POLE: variants seen among roughly 807,000 people sequenced by gnomAD.
POLE encodes DNA polymerase epsilon catalytic subunit A.
POLE carries 188 observed loss-of-function variants against 279.2 expected under a neutral mutation model. That is an observed-to-expected ratio of 0.67 (90% CI 0.60 to 0.76). The LOEUF (loss-of-function observed/expected upper bound fraction) is 0.76. POLE is among the 30% of genes least tolerant of loss of function. The probability of loss-of-function intolerance (pLI) is 0.00; values close to 1 mark genes in which losing one functional copy is unlikely to be tolerated. For synonymous variants in POLE, 1,214 were observed against 1,172.5 expected, an observed-to-expected ratio of 1.04 and a Z score of -0.72; for missense variants, 2,703 against 3,016.7, an observed-to-expected ratio of 0.90 and a Z score of 2.44.
Position 132,642,809 on chromosome 12 carries a change from A to G in POLE, c.4728+11T>C, listed in dbSNP as rs2138538232. 1.2e-6 allele frequency: 2 copies of G among 1,613,794 alleles called. No individual in the cohort carries two copies. The highest frequency in any genetic ancestry group is 8.5e-7 in the Non-Finnish European group (1 of 1,179,892). ...ATGGGGCTCACACAGCAAGACCCCAACCACTCTCACCTTGTAGGCGAGCAG... is the reference window on the plus strand; with the variant it reads ...ATGGGGCTCACACAGCAAGACCCCAGCCACTCTCACCTTGTAGGCGAGCAG... On this transcript the variant is annotated intron_variant, in intron 36 of 48. Transcript: ENST00000320574.
chr12:132,664,313 G>T lies in POLE; in HGVS notation c.2561+57C>A. 1 of 1,518,000 alleles carries T rather than the reference G, an allele frequency of 6.6e-7. No individual in the cohort carries two copies. The allele number at this position is 1,518,000 out of a possible 1,614,324, so 94.0% of individuals were successfully genotyped here. On this transcript the variant is annotated intron_variant, in intron 22 of 48. Coordinates refer to ENST00000320574, the MANE Select transcript of POLE (RefSeq NM_006231.4). The surrounding 1 kb of genome is among the most constrained non-coding windows in gnomAD (Gnocchi z 5.3). Reference sequence around the variant, plus strand: ...CTCCAGCCTTCCCTCCTTCCTTCCTGCCCATGCTTGCCCCCAGGACCTGCT... The same window carrying T: ...CTCCAGCCTTCCCTCCTTCCTTCCTTCCCATGCTTGCCCCCAGGACCTGCT...
At position 132,632,528 on chromosome 12, in the gene POLE, G is replaced by C. The variant is rs1236213298; in HGVS notation, c.6137-20C>G. ...TCATTCCTGGAAGTATAAGGATGCT[G>C]AGGGAGGGGTCTGGGACCTGTCTGG... On this transcript the variant is annotated intron_variant, in intron 44 of 48. Transcript: ENST00000320574. The C allele has an allele frequency of 1.2e-6, 2 of 1,612,592 alleles. No individual in the cohort carries two copies. Among genetic ancestry groups the C allele is most frequent in the African/African-American group, 2.7e-5 (2 of 74,906 alleles).
At chr12:132,644,131 A>G (rs2042221919) in intron 32 of POLE, among the ~76,000 whole-genome samples, 154 bp from the exon 33 acceptor site, 1 of 152,188 alleles carries the variant, frequency 6.6e-6, no homozygotes, top group Admixed American at 6.5e-5. Flanking sequence ...CTCAATGATT[A>G]CAACTAAAAA....
In POLE at chr12:132,661,676, G is replaced by T. The variant is rs2135949717; in HGVS notation, c.2715C>A (p.Phe905Leu). ...AMLNIMVKEG[F>L]TNDQYQELAE... ...CCAGCTCCTGGTACTGGTCATTGGT[G>T]AAGCCTTCCTGAGAAACAAGAGTGA... is the stretch of plus-strand genomic sequence containing the variant. The change falls in exon 24 of 49, where the codon TTC becomes TTA. Residue 905 changes from phenylalanine to leucine, a missense_variant. Transcript: ENST00000320574. The surrounding 1 kb of genome is among the most constrained non-coding windows in gnomAD (Gnocchi z 4.1). The T allele has an allele frequency of 6.2e-7, 1 of 1,613,672 alleles. No homozygotes were observed. Among genetic ancestry groups the T allele is most frequent in the Non-Finnish European group, 8.5e-7 (1 of 1,179,842 alleles).
chr12:132,667,901 G>A (rs2042833033), intron 19 of POLE, among the ~76,000 whole-genome samples: 1 of 152,022 alleles, frequency 6.6e-6, no homozygotes, highest in African/African-American at 2.4e-5. Context: ...AGGCAACATG[G>A]CAAGACCCCA....
chr12:132,687,227 C>T (rs1304838959), intron 1 of POLE, 27 bp downstream of exon 1: 1 of 1,446,732 alleles, frequency 6.9e-7, no homozygotes, highest in Non-Finnish European at 9.1e-7. Flanking sequence ...AGGGCCGGCC[C>T]GAGAGCCTCA....
In POLE at chr12:132,664,506, C is replaced by T. The variant is rs757250101; in HGVS notation, c.2469-44G>A. On this transcript the variant is annotated intron_variant, in intron 21 of 48. Coordinates refer to ENST00000320574, the MANE Select transcript of POLE (RefSeq NM_006231.4). The surrounding 1 kb of genome is among the most constrained non-coding windows in gnomAD (Gnocchi z 5.3). ...CTGGTGGGTGGGGCTGGCATGGCTC[C>T]TCCAGGGGGTATCAGAGGCAGTGAG... The T allele has an allele frequency of 6.9e-7, 1 of 1,447,218 alleles. No individual in the cohort carries two copies. The highest frequency in any genetic ancestry group is 2.3e-5 in the East Asian group (1 of 44,092). 89.6% of individuals were successfully genotyped at this position (1,447,218 alleles called of 1,614,324 possible).
intron 26 of POLE, chr12:132,658,822 T>G (rs1416813659): frequency 6.4e-6 from 1 of 156,318 alleles, no homozygotes; most frequent in African/African-American, 2.6e-5. Context: ...ACAACCCTTA[T>G]TCTGGTGTTC....
At chr12:132,645,811 CA>C (rs1199400214) in intron 32 of POLE, among the ~76,000 whole-genome samples, 1 of 148,680 alleles carries the variant, frequency 6.7e-6, no homozygotes, top group East Asian at 1.9e-4. Context: ...CACACACACA[CA>C]CACAAAATCA....
At chr12:132,646,780 C>T (rs1453342170) in intron 32 of POLE, among the ~76,000 whole-genome samples, 4 of 142,054 alleles carry the variant, frequency 2.8e-5, no homozygotes, top group Admixed American at 7.1e-5. Context: ...TGCGGTGAGC[C>T]GAGATGCGCC....
Position 132,624,902 on chromosome 12 carries a change from C to A in POLE, c.6747+3G>T. The A allele has an allele frequency of 6.2e-7, 1 of 1,613,278 alleles. No individual in the cohort carries two copies. The highest frequency in any genetic ancestry group is 1.1e-5 in the South Asian group (1 of 91,068). ...GAGCCGAGGCAGATGAGGGAGAGCC[C>A]ACCTGGGTGTGGATGGTGAGGGCGA... On this transcript the variant is annotated splice_donor_region_variant and intron_variant, in intron 48 of 48. Transcript: ENST00000320574.
In POLE at chr12:132,641,680, T is replaced by C. The variant is rs1365071731; in HGVS notation, c.5345A>G (p.Tyr1782Cys). ...GTTAGAGCACAGGGCTGTCTCATCG[T>C]AGCTGGCCGGGGCACTGGCAGCCTG... ...GGQAASAPASYDETALCSNTF... is the reference protein window; with the variant it reads ...GGQAASAPASCDETALCSNTF... Residue 1782 changes from tyrosine (Y) to cysteine (C), a missense_variant, in exon 39 of 49, where the codon TAC (tyrosine) becomes TGC (cysteine). Tyr to Cys is a radical substitution (Grantham distance 194). Coordinates refer to ENST00000320574, the MANE Select transcript of POLE (RefSeq NM_006231.4). 1 of 1,614,082 alleles carries C rather than the reference T, an allele frequency of 6.2e-7. No individual in the cohort carries two copies.
Position 132,626,335 on chromosome 12 carries a change from C to T in POLE, c.6331-18G>A, listed in dbSNP as rs571806809. 6.2e-6 allele frequency: 10 copies of T among 1,612,808 alleles called. No homozygotes were observed. Among genetic ancestry groups the T allele is most frequent in the Non-Finnish European group, 7.6e-6 (9 of 1,179,598 alleles). On this transcript the variant is annotated intron_variant, in intron 45 of 48. Coordinates refer to ENST00000320574, the MANE Select transcript of POLE (RefSeq NM_006231.4). Reference sequence around the variant, plus strand: ...GACAGCACCTGCAGAGACCACAGCCCACATCGGGAAGGAGCTCCCGGGGCC... The same window carrying T: ...GACAGCACCTGCAGAGACCACAGCCTACATCGGGAAGGAGCTCCCGGGGCC...
At chr12:132,670,019 C>T (rs1271813696) in intron 16 of POLE, among the ~76,000 whole-genome samples, 2 of 152,044 alleles carry the variant, frequency 1.3e-5, no homozygotes, top group South Asian at 2.1e-4. Flanking sequence ...ATCCTCACAT[C>T]TACCACACCT....
intron 1 of POLE, among the ~76,000 whole-genome samples, chr12:132,681,971 G>A (rs1242809744): frequency 6.6e-5 from 10 of 152,142 alleles, no homozygotes. Flanking sequence ...GATCACCTGA[G>A]GTCAGGAGTT....
chr12:132,662,924 GAGA>G (rs771169095), intron 23 of POLE, among the ~76,000 whole-genome samples: 18 of 152,174 alleles, frequency 1.2e-4, no homozygotes, highest in Non-Finnish European at 2.2e-4. Flanking sequence ...ACAAATGGAA[GAGA>G]AGGATAGCAA....
In POLE at chr12:132,630,102, G is replaced by A. The variant is rs149636824; in HGVS notation, c.6330+2213C>T. On this transcript the variant is annotated intron_variant, in intron 45 of 48. Transcript: ENST00000320574. ...GTCTTCTATGCGCACGGTTCATGGC[G>A]CCCCAAAACAATTGCCATAGAAGCA... Among the ~76,000 whole-genome samples, 4 of 152,226 alleles carry A rather than the reference G, an allele frequency of 2.6e-5. No individual in the cohort carries two copies. The South Asian group carries it at 6.2e-4, about 24-fold the overall frequency.
intron 33 of POLE, 95 bp downstream of exon 33, chr12:132,643,742 G>A (rs1265507269): frequency 8.8e-6 from 13 of 1,484,978 alleles, no homozygotes; most frequent in African/African-American, 1.4e-5. Flanking sequence ...CACTGTCGCT[G>A]CTGTTCCCCA....
Position 132,673,184 on chromosome 12 carries a change from T to C in POLE, c.1453A>G (p.Ile485Val), listed in dbSNP as rs1593072187. The stretch of plus-strand genomic sequence containing the variant: ...CTCACCTCGTCGGGCTCCATGGGAA[T>C]AATGGTGCACAGAGCAAAGATGAAT... ...HPFIFALCTI[I>V]PMEPDEVLRK... Residue 485 changes from isoleucine to valine, a missense_variant, in exon 14 of 49, where the codon ATT becomes GTT. Around this residue, in one of 5 missense-constraint regions of POLE, gnomAD observed 1,011 missense variants for 1,111.7 expected, o/e 0.91. Transcript: ENST00000320574. The C allele has an allele frequency of 6.2e-7, 1 of 1,609,546 alleles. No homozygotes were observed. The highest frequency in any genetic ancestry group is 8.5e-7 in the Non-Finnish European group (1 of 1,175,790).
Sources: allele counts gnomAD v4.1 joint callset (sites outside exome capture counted in the v4.1 genomes callset), GRCh38; gene constraint gnomAD v4.1.1; regional missense constraint gnomAD v4.1.1; non-coding constraint Gnocchi (gnomAD v3.1); transcripts MANE v1.5; gene names NCBI Gene and HGNC (gene_info 2026-07-23, HGNC 2026-07-21).